The following DAB2 variants were observed in gnomAD, a reference collection of about 807,000 sequenced individuals.
The protein encoded by DAB2 is DAB adaptor protein 2.
Under a neutral mutation model 71.6 loss-of-function variants are expected in DAB2, and 28 were observed. The ratio of observed to expected loss-of-function variants is 0.39; its 90% CI spans 0.29 to 0.54. DAB2 has a LOEUF of 0.54. Among genes scored for constraint, DAB2 ranks in the 20% least tolerant of loss-of-function variants. The pLI is 0.68. For missense variants in DAB2, 867 were observed against 928.8 expected (o/e 0.93, Z 0.86); for synonymous variants, 345 against 339.7 (o/e 1.02, Z -0.17).
chr5:39,379,104 C>A (rs1256289119), intron 11 of DAB2, among the ~76,000 whole-genome samples: 2 of 152,126 alleles, frequency 1.3e-5, no homozygotes, highest in African/African-American at 4.8e-5. Flanking sequence ...TCATGTTGGA[C>A]AACTTGTCTT....
chr5:39,402,819 G>T (rs907494081), intron 1 of DAB2, among the ~76,000 whole-genome samples: 2 of 152,174 alleles, frequency 1.3e-5, no homozygotes, highest in Admixed American at 6.5e-5. Flanking sequence ...CAAAAGTTGG[G>T]TTCTGATAGA....
In DAB2 at chr5:39,377,042, T is replaced by C. The variant is rs1414012513; in HGVS notation, c.1745A>G (p.Asn582Ser). Residue 582 changes from asparagine (N) to serine (S), a missense_variant, in exon 12 of 15, where the codon AAT (asparagine) becomes AGT (serine). By Grantham distance (46) the Asn-to-Ser change is conservative. This residue lies in a region of DAB2 where 740 missense variants were observed against 734.3 expected (regional missense o/e 1.01). Transcript: ENST00000320816. ...CAAAGGGCTTGTTGTTGACCAAGCA[T>C]TGGGTGCCACAGATGCAGAAGGGCC... ...VWGPSASVAP[N>S]AWSTTSPLGN... 3.1e-6 allele frequency: 5 copies of C among 1,613,936 alleles called. No individual in the cohort carries two copies. The highest frequency in any genetic ancestry group is 2.2e-5 in the East Asian group (1 of 44,870).
At chr5:39,374,817 G>T in intron 14 of DAB2, 197 bp downstream of exon 14, 3 of 529,778 alleles carry the variant, frequency 5.7e-6, no homozygotes, top group African/African-American at 2.0e-5. Context: ...ATTTTTTGAT[G>T]TGTTTAGGAA....
intron 11 of DAB2, among the ~76,000 whole-genome samples, chr5:39,377,738 C>T (rs1561365054): frequency 6.6e-6 from 1 of 152,162 alleles, no homozygotes; most frequent in Non-Finnish European, 1.5e-5. Flanking sequence ...CTCTCTGAGT[C>T]ACAGATTTGA....
intron 1 of DAB2, among the ~76,000 whole-genome samples, chr5:39,421,575 T>C (rs140645802): frequency 1.4e-3 from 210 of 152,290 alleles, no homozygotes; most frequent in African/African-American, 4.8e-3. Flanking sequence ...GCAGCCAGTG[T>C]TGAATGTTAG....
At chr5:39,398,777 G>T (rs886447660) in intron 1 of DAB2, among the ~76,000 whole-genome samples, 2 of 152,150 alleles carry the variant, frequency 1.3e-5, no homozygotes, top group African/African-American at 4.8e-5. Context: ...TTCTCCCAAG[G>T]TTTAAAGAGC....
intron 1 of DAB2, among the ~76,000 whole-genome samples, chr5:39,414,212 C>T (rs1235343409): frequency 2.6e-5 from 4 of 151,964 alleles, no homozygotes; most frequent in Non-Finnish European, 5.9e-5. Context: ...AGTTTGTGAC[C>T]TAATTTTAGC....
Position 39,401,256 on chromosome 5 carries a change from AG to A in DAB2, c.-101-6836del, listed in dbSNP as rs765551678. Among the ~76,000 whole-genome samples the A allele has an allele frequency of 4.9e-4, 75 of 152,342 alleles. 1 individual carries two copies. The highest frequency in any genetic ancestry group is 2.6e-4 in the Admixed American group (4 of 15,306). ...TTCTTGTAAATGCTGACACTACTGT[AG>A]GGGCCTCACTAACAAAACAAGCCCG... On this transcript the variant is annotated intron_variant, in intron 1 of 14. Transcript: ENST00000320816.
intron 1 of DAB2, among the ~76,000 whole-genome samples, chr5:39,423,107 T>G (rs1756026977): frequency 6.6e-6 from 1 of 152,176 alleles, no homozygotes; most frequent in Admixed American, 6.5e-5. Flanking sequence ...AGGGCATAGC[T>G]GAAAAATGAC....
intron 3 of DAB2, 59 bp from the exon 4 acceptor site, chr5:39,392,522 T>C: frequency 1.6e-6 from 2 of 1,286,310 alleles, no homozygotes; most frequent in Non-Finnish European, 2.2e-6. Context: ...ACAATGGTTT[T>C]AATATTAAAA....
At chr5:39,381,699 C>T (rs1754984788) in intron 10 of DAB2, 83 bp from the exon 11 acceptor site, 2 of 1,475,686 alleles carry the variant, frequency 1.4e-6, no homozygotes, top group East Asian at 2.3e-5. Context: ...TACCCTATAC[C>T]CCAATTTGAG....
rs757943991 is a variant in DAB2, at chr5:39,381,495, T to C, written c.1463A>G (p.Lys488Arg). 7.4e-6 allele frequency: 12 copies of C among 1,614,088 alleles called. No individual in the cohort carries two copies. The highest frequency in any genetic ancestry group is 1.0e-5 in the Non-Finnish European group (12 of 1,179,970). The change falls in exon 11 of 15, where the codon AAA becomes AGA. Residue 488 changes from lysine to arginine, a missense_variant. Transcript: ENST00000320816. ...CCCCACTGGGGCAGGAGCACTTGTT[T>C]TGAAGAGATCCAGAGGGTTGGGCTG... ...ALQPNPLDLF[K>R]TSAPAPVGPL...
chr5:39,381,422 A>T, intron 11 of DAB2, 32 bp downstream of exon 11: 1 of 1,599,956 alleles, frequency 6.3e-7, no homozygotes, highest in Non-Finnish European at 8.5e-7. Flanking sequence ...AAAGCAAAAG[A>T]GTCATACTTA....
At chr5:39,404,605 G>A (rs1275661014) in intron 1 of DAB2, among the ~76,000 whole-genome samples, 1 of 151,344 alleles carries the variant, frequency 6.6e-6, no homozygotes, top group Non-Finnish European at 1.5e-5. Context: ...TTGAGACAGA[G>A]TCTTGCTCTG....
At chr5:39,384,371 C>G (rs1479912962) in intron 9 of DAB2, among the ~76,000 whole-genome samples, 2 of 152,150 alleles carry the variant, frequency 1.3e-5, no homozygotes, top group Admixed American at 1.3e-4. Context: ...TAACAATATG[C>G]TGTAATAAAA....
At chr5:39,378,361 T>C (rs757615654) in intron 11 of DAB2, among the ~76,000 whole-genome samples, 3 of 152,348 alleles carry the variant, frequency 2.0e-5, no homozygotes, top group Non-Finnish European at 2.9e-5. Context: ...TCATATCTAT[T>C]AGTGGGTGAT....
At position 39,424,897 on chromosome 5, in the gene DAB2, T is replaced by A. The variant is rs1168500367; in HGVS notation, c.-195A>T. ...GCGGATGCGGCGGGCCTCGCTTAAA[T>A]AGCCGCCGGCCGGGAGCTTCGGAGC... On this transcript the variant is annotated 5_prime_UTR_variant, in exon 1 of 15. Coordinates refer to ENST00000320816, the MANE Select transcript of DAB2 (RefSeq NM_001343.4). 2 of 152,494 alleles carry A rather than the reference T, an allele frequency of 1.3e-5. No homozygotes were observed. Among genetic ancestry groups the A allele is most frequent in the African/African-American group, 4.8e-5 (2 of 41,408 alleles). The allele number at this position is 152,494 out of a possible 1,614,324, so 9.4% of individuals were successfully genotyped here. A position where few individuals can be genotyped will look rare whatever the true frequency, so the allele number is the denominator to read the frequency against.
intron 1 of DAB2, among the ~76,000 whole-genome samples, chr5:39,418,504 A>G (rs979838071): frequency 6.6e-6 from 1 of 152,166 alleles, no homozygotes; most frequent in Non-Finnish European, 1.5e-5. Flanking sequence ...TTCAATATGG[A>G]CACAATTAGG....
intron 9 of DAB2, chr5:39,385,138 CT>C (rs1007954184): frequency 2.0e-5 from 3 of 151,706 alleles, no homozygotes; most frequent in African/African-American, 7.3e-5. Context: ...CAGGCTTTCT[CT>C]TTATAAAAGA....
Sources: gnomAD v4.1 joint callset for allele counts (sites outside exome capture counted in the v4.1 genomes callset) on GRCh38, gnomAD v4.1.1 for gene constraint, gnomAD v4.1.1 regional missense constraint, MANE v1.5 for transcripts, NCBI Gene and HGNC (gene_info 2026-07-23, HGNC 2026-07-21) for gene names.